The following C10orf67 variants were observed in gnomAD, a reference collection of about 807,000 sequenced individuals.
C10orf67 encodes the protein uncharacterized protein C10orf67, mitochondrial.
A neutral mutation model predicts 35.6 loss-of-function variants in C10orf67; 60 were observed. That is an observed-to-expected ratio of 1.68 (90% CI 1.37 to 2.09). The LOEUF (loss-of-function observed/expected upper bound fraction) is 2.09. Ranked by LOEUF, C10orf67 falls within the 30% of genes most tolerant of loss-of-function variation. The pLI is 0.00. For missense variants in C10orf67, 474 were observed against 330.2 expected, an observed-to-expected ratio of 1.44 and a Z score of -3.38; for synonymous variants, 167 against 115.8, an observed-to-expected ratio of 1.44 and a Z score of -2.84.
At chr10:23,219,169 T>C (rs986237679) in intron 15 of C10orf67, among the ~76,000 whole-genome samples, 1 of 152,226 alleles carries the variant, frequency 6.6e-6, no homozygotes, top group African/African-American at 2.4e-5. Context: ...AAAAACCTTT[T>C]CAGATCACCC....
At chr10:23,306,520 C>T (rs967372644) in intron 4 of C10orf67, among the ~76,000 whole-genome samples, 17 of 138,836 alleles carry the variant, frequency 1.2e-4, no homozygotes, top group Non-Finnish European at 2.4e-4. Context: ...CAGTGCCAGA[C>T]TCCATCTCAG....
At chr10:23,236,019 C>G (rs576070905) in intron 13 of C10orf67, among the ~76,000 whole-genome samples, 3 of 151,570 alleles carry the variant, frequency 2.0e-5, no homozygotes, top group Non-Finnish European at 2.9e-5. Flanking sequence ...GAGGCCGAGG[C>G]GGGCGGATCA....
At chr10:23,245,662 C>T (rs2132148598) in intron 12 of C10orf67, among the ~76,000 whole-genome samples, 1 of 152,320 alleles carries the variant, frequency 6.6e-6, no homozygotes, top group East Asian at 1.9e-4. Flanking sequence ...GATATCACCT[C>T]ACTCTTGTTA....
At chr10:23,314,427 G>T (rs528331402) in intron 4 of C10orf67, among the ~76,000 whole-genome samples, 5 of 151,036 alleles carry the variant, frequency 3.3e-5, no homozygotes, top group African/African-American at 1.2e-4. Flanking sequence ...TTTGAGACCA[G>T]CCTGGGCAAC....
In C10orf67 at chr10:23,325,224, G is replaced by A. The variant is rs377419220; in HGVS notation, c.328-2687C>T. On this transcript the variant is annotated intron_variant, in intron 2 of 15. Coordinates refer to ENST00000636213, the MANE Select transcript of C10orf67 (RefSeq NM_001371909.1). The stretch of plus-strand genomic sequence containing the variant: ...TGGTGGTGTGTAGCCTGTAGTCTCA[G>A]CTACTTGGGAGGCTGAGATGGGATG... Among the ~76,000 whole-genome samples, 5 of 152,174 alleles carry A rather than the reference G, an allele frequency of 3.3e-5. No homozygotes were observed. The East Asian group carries it at 7.7e-4, about 24-fold the overall frequency.
chr10:23,331,827 T>C (rs1845499260), intron 2 of C10orf67, among the ~76,000 whole-genome samples: 1 of 152,056 alleles, frequency 6.6e-6, no homozygotes, highest in South Asian at 2.1e-4. Flanking sequence ...CCACAGACCA[T>C]TCCCATCTGA....
intron 12 of C10orf67, among the ~76,000 whole-genome samples, chr10:23,243,236 T>C (rs1396505961): frequency 1.3e-5 from 2 of 152,170 alleles, no homozygotes; most frequent in African/African-American, 4.8e-5. Context: ...AAGAAATAGA[T>C]ACATCTATAA....
At chr10:23,303,674 G>A (rs1034847679) in intron 4 of C10orf67, among the ~76,000 whole-genome samples, 12 of 152,112 alleles carry the variant, frequency 7.9e-5, no homozygotes, top group African/African-American at 1.9e-4. Context: ...AAAGTATTAC[G>A]CACTATGTAG....
chr10:23,281,185 T>C (rs1230391322), intron 8 of C10orf67, among the ~76,000 whole-genome samples: 1 of 152,176 alleles, frequency 6.6e-6, no homozygotes, highest in African/African-American at 2.4e-5. Context: ...GAGAATTGTT[T>C]TGCATTAATT....
At chr10:23,227,204 C>A (rs1841764925) in intron 13 of C10orf67, among the ~76,000 whole-genome samples, 1 of 152,152 alleles carries the variant, frequency 6.6e-6, no homozygotes, top group South Asian at 2.1e-4. Context: ...TACTGGCAAA[C>A]CAAATCCAGC....
chr10:23,238,183 C>T (rs963687490), intron 13 of C10orf67, among the ~76,000 whole-genome samples: 9 of 152,102 alleles, frequency 5.9e-5, no homozygotes, highest in African/African-American at 1.9e-4. Context: ...GTGCTTGGTA[C>T]GTATGTGTAC....
intron 13 of C10orf67, among the ~76,000 whole-genome samples, chr10:23,236,578 T>A (rs1485113839): frequency 6.6e-6 from 1 of 152,154 alleles, no homozygotes. Context: ...AATTTTGTTA[T>A]TTTTTGTAAA....
chr10:23,236,033 G>A (rs933306943), intron 13 of C10orf67, among the ~76,000 whole-genome samples: 6 of 151,990 alleles, frequency 3.9e-5, no homozygotes, highest in African/African-American at 1.4e-4. Flanking sequence ...CGGATCACAA[G>A]GTCAGGAGAT....
chr10:23,208,111 A>T (rs1325343079), intron 15 of C10orf67, among the ~76,000 whole-genome samples: 1 of 152,230 alleles, frequency 6.6e-6, no homozygotes, highest in African/African-American at 2.4e-5. Flanking sequence ...CGTTTGGTCT[A>T]TGCAATTTTT....
Position 23,225,723 on chromosome 10 carries a change from G to C in C10orf67, c.1435-1905C>G, listed in dbSNP as rs551358724. ...AAAAAAGGCAAGGGTTGCAATCCTA[G>C]TCTCTGATAAAACAGACTTTAAACC... On this transcript the variant is annotated intron_variant, in intron 13 of 15. Transcript: ENST00000636213. Among the ~76,000 whole-genome samples, 4 of 152,236 alleles carry C rather than the reference G, an allele frequency of 2.6e-5. No homozygotes were observed. In the East Asian group the frequency reaches 5.8e-4, roughly 22 times the overall value.
chr10:23,327,878 C>T (rs925025922), intron 2 of C10orf67, among the ~76,000 whole-genome samples: 4 of 151,930 alleles, frequency 2.6e-5, no homozygotes, highest in Admixed American at 2.0e-4. Context: ...AAAGACTGAC[C>T]TCACACAAAG....
chr10:23,334,974 A>G (rs1178779907), intron 1 of C10orf67, among the ~76,000 whole-genome samples: 1 of 152,162 alleles, frequency 6.6e-6, no homozygotes, highest in Non-Finnish European at 1.5e-5. Context: ...GGAGCACTTG[A>G]GGTCAGAAGT....
At chr10:23,268,610 G>C (rs1291353808) in intron 8 of C10orf67, among the ~76,000 whole-genome samples, 1 of 152,178 alleles carries the variant, frequency 6.6e-6, no homozygotes, top group Non-Finnish European at 1.5e-5. Context: ...AGTTACTGAT[G>C]CCCACGAAAG....
intron 8 of C10orf67, among the ~76,000 whole-genome samples, chr10:23,281,484 G>A (rs1487343779): frequency 2.6e-5 from 4 of 152,016 alleles, no homozygotes; most frequent in African/African-American, 9.7e-5. Flanking sequence ...AGCCAAATAC[G>A]CCACCATAAG....
Sources: gnomAD v4.1 joint callset for allele counts (sites outside exome capture counted in the v4.1 genomes callset) on GRCh38, gnomAD v4.1.1 for gene constraint, MANE v1.5 for transcripts, NCBI Gene and HGNC (gene_info 2026-07-23, HGNC 2026-07-21) for gene names.